The following SEMA3A variants were observed in gnomAD, a reference collection of about 807,000 sequenced individuals.
SEMA3A encodes the protein semaphorin-3A.
In SEMA3A, 29 loss-of-function variants were observed where a neutral mutation model predicts 97.9. The ratio of observed to expected loss-of-function variants is 0.30; its 90% CI spans 0.22 to 0.40. SEMA3A has a LOEUF of 0.40. Ranked by LOEUF, SEMA3A falls within the 10% of genes least tolerant of loss-of-function variation. The pLI is 1.00. For synonymous variants in SEMA3A, 321 were observed against 323.7 expected (o/e 0.99, Z 0.09); for missense variants, 763 against 951.3 (o/e 0.80, Z 2.60).
chr7:84,098,753 G>C (rs945136079), intron 4 of SEMA3A, among the ~76,000 whole-genome samples: 1 of 152,024 alleles, frequency 6.6e-6, no homozygotes, highest in East Asian at 1.9e-4. Context: ...AATCTCAATG[G>C]GGTATAATAT....
upstream of SEMA3A, among the ~76,000 whole-genome samples, chr7:84,198,642 T>C (rs1397327068): frequency 1.3e-5 from 2 of 152,264 alleles, no homozygotes; most frequent in Non-Finnish European, 2.9e-5. Context: ...GTATTTGTAA[T>C]TGAGTGTCTA....
chr7:84,360,845 G>C (rs1430311479), intron 2 of SEMA3A, among the ~76,000 whole-genome samples: 1 of 151,768 alleles, frequency 6.6e-6, no homozygotes, highest in Non-Finnish European at 1.5e-5. Flanking sequence ...CCAGGCTGGA[G>C]TGCAGTGGCA....
chr7:84,432,522 A>G (rs909956955), intron 1 of SEMA3A, among the ~76,000 whole-genome samples: 2 of 152,132 alleles, frequency 1.3e-5, no homozygotes, highest in African/African-American at 4.8e-5. Context: ...ATAGTTTTTC[A>G]ACCCTTCACA....
At chr7:84,086,646 T>C (rs1794384244) in intron 4 of SEMA3A, among the ~76,000 whole-genome samples, 1 of 144,812 alleles carries the variant, frequency 6.9e-6, no homozygotes, top group Non-Finnish European at 1.5e-5. Context: ...TAACTTGTGC[T>C]CCAGAGGGCA....
rs1042108651 is a variant in SEMA3A, at chr7:84,492,017, C to A, written c.-246+443G>T. Among the ~76,000 whole-genome samples the A allele has an allele frequency of 2.0e-5, 3 of 152,076 alleles. No individual in the cohort carries two copies. In the East Asian group the frequency reaches 5.8e-4, roughly 29 times the overall value. ...GCAAAAATTATACGCAAATTCCTCA[C>A]ATTAATGTATGAAGAGTAACGTAGC... On this transcript the variant is annotated intron_variant, in intron 1 of 3. Coordinates refer to the SEMA3A transcript ENST00000424555.
At chr7:84,119,068 T>G (rs1400991998) in intron 3 of SEMA3A, among the ~76,000 whole-genome samples, 1 of 152,160 alleles carries the variant, frequency 6.6e-6, no homozygotes, top group African/African-American at 2.4e-5. Context: ...GTTAATAATT[T>G]TATTTACTTC....
At chr7:84,474,577 C>T (rs576924253) in intron 1 of SEMA3A, among the ~76,000 whole-genome samples, 2 of 152,218 alleles carry the variant, frequency 1.3e-5, no homozygotes, top group African/African-American at 4.8e-5. Flanking sequence ...CTCTTTTTCC[C>T]CATCAGGAGT....
At chr7:84,054,755 G>A (rs1437805103) in intron 5 of SEMA3A, among the ~76,000 whole-genome samples, 3 of 147,116 alleles carry the variant, frequency 2.0e-5, no homozygotes, top group Admixed American at 6.9e-5. Context: ...GAGGAACTGC[G>A]TTCCTTTGGA....
chr7:84,169,666 T>C (rs998799085), intron 1 of SEMA3A, among the ~76,000 whole-genome samples: 1 of 151,492 alleles, frequency 6.6e-6, no homozygotes, highest in African/African-American at 2.4e-5. Flanking sequence ...TACCATTTCT[T>C]TGTTGTTAGA....
At chr7:84,145,354 G>C (rs1479846187) in intron 1 of SEMA3A, among the ~76,000 whole-genome samples, 11 of 151,810 alleles carry the variant, frequency 7.2e-5, no homozygotes, top group Non-Finnish European at 8.8e-5. Context: ...CCTACTCCTG[G>C]CGTATACCTA....
chr7:84,377,165 G>C (rs951720737), intron 1 of SEMA3A, among the ~76,000 whole-genome samples: 1 of 152,136 alleles, frequency 6.6e-6, no homozygotes, highest in African/African-American at 2.4e-5. Flanking sequence ...TTATATTTAA[G>C]TCTTTAATTC....
intron 2 of SEMA3A, among the ~76,000 whole-genome samples, chr7:84,332,573 T>C (rs909625459): frequency 6.6e-6 from 1 of 152,104 alleles, no homozygotes; most frequent in Non-Finnish European, 1.5e-5. Context: ...CCTTGTTTTC[T>C]TTCAGTGGCA....
intron 1 of SEMA3A, among the ~76,000 whole-genome samples, chr7:84,138,708 C>T: frequency 6.6e-6 from 1 of 152,068 alleles, no homozygotes; most frequent in South Asian, 2.1e-4. Flanking sequence ...TCTCATTATT[C>T]CTTTCACTCC....
intron 1 of SEMA3A, among the ~76,000 whole-genome samples, chr7:84,450,314 C>G (rs1805524228): frequency 6.6e-6 from 1 of 152,086 alleles, no homozygotes; most frequent in Admixed American, 6.6e-5. Context: ...GATGACCAAG[C>G]TCTTCCACTC....
Position 84,304,319 on chromosome 7 carries a change from C to T in SEMA3A, c.-83+2888G>A, listed in dbSNP as rs112059033. 3.3e-5 allele frequency among the ~76,000 whole-genome samples: 5 copies of T among 152,140 alleles called. 1 individual carries two copies. Among genetic ancestry groups the T allele is most frequent in the African/African-American group, 1.2e-4 (5 of 41,556 alleles). ...GATGCTTTGAAGTCCATAAGGTCTC[C>T]TTCACAATTACTCAATAATACAATT... On this transcript the variant is annotated intron_variant, in intron 3 of 3. Transcript: ENST00000424555.
chr7:84,393,823 C>T (rs1361164313), intron 1 of SEMA3A, among the ~76,000 whole-genome samples: 2 of 152,034 alleles, frequency 1.3e-5, no homozygotes, highest in Admixed American at 1.3e-4. Flanking sequence ...TGTTGAAGAA[C>T]CAATGGTGGA....
intron 1 of SEMA3A, among the ~76,000 whole-genome samples, chr7:84,188,107 A>G (rs1294156909): frequency 6.6e-6 from 1 of 152,016 alleles, no homozygotes; most frequent in East Asian, 1.9e-4. Context: ...AGCAAGGGAA[A>G]CCTGGAAATG....
rs1018688293 is a variant in SEMA3A, at chr7:84,067,511, G to A, written c.454-6953C>T. On this transcript the variant is annotated intron_variant, in intron 4 of 16. Coordinates refer to ENST00000265362, the MANE Select transcript of SEMA3A (RefSeq NM_006080.3). ...ACCTACAAAATGGGAGAAAATTTTCGCAACCTACTCATCTGACAAAGGGCT... is the reference window on the plus strand; with the variant it reads ...ACCTACAAAATGGGAGAAAATTTTCACAACCTACTCATCTGACAAAGGGCT... 5.2e-3 allele frequency among the ~76,000 whole-genome samples: 791 copies of A among 151,492 alleles called. 5 individuals are homozygous for A. The highest frequency in any genetic ancestry group is 0.016 in the African/African-American group (651 of 41,386).
intron 1 of SEMA3A, among the ~76,000 whole-genome samples, chr7:84,468,107 T>C (rs11978829): frequency 0.02 from 2,976 of 152,280 alleles, 104 homozygotes; most frequent in East Asian, 0.16. Context: ...AACGAACTCA[T>C]TGAAGAGTCT....
Sources: allele counts gnomAD v4.1 joint callset (sites outside exome capture counted in the v4.1 genomes callset), GRCh38; gene constraint gnomAD v4.1.1; transcripts MANE v1.5; gene names NCBI Gene and HGNC (gene_info 2026-07-23, HGNC 2026-07-21).